VPS37C: variants seen among roughly 807,000 people sequenced by gnomAD.
VPS37C encodes VPS37C subunit of ESCRT-I.
Under a neutral mutation model 16.1 loss-of-function variants are expected in VPS37C, and 9 were observed. That is an observed-to-expected ratio of 0.56 (90% CI 0.34 to 0.97). The LOEUF (loss-of-function observed/expected upper bound fraction) is 0.97. Among genes scored for constraint, VPS37C ranks in the 50% least tolerant of loss-of-function variants. The pLI, the probability that VPS37C is intolerant of heterozygous loss-of-function variation, is 0.02. For missense variants in VPS37C, 479 were observed against 472.7 expected (o/e 1.01, Z -0.12); for synonymous variants, 207 against 206.4 (o/e 1.00, Z -0.02).
intron 1 of VPS37C, among the ~76,000 whole-genome samples, chr11:61,147,431 G>T (rs1853228601): frequency 6.6e-6 from 1 of 152,110 alleles, no homozygotes; most frequent in African/African-American, 2.4e-5. Flanking sequence ...TGAGCACAGG[G>T]TACACGATCT....
chr11:61,146,428 G>A (rs796252849), intron 1 of VPS37C, among the ~76,000 whole-genome samples: 10 of 152,368 alleles, frequency 6.6e-5, no homozygotes, highest in African/African-American at 2.2e-4. Flanking sequence ...ATACAGATGA[G>A]AGCAGCGTAA....
At chr11:61,136,657 C>G (rs935331068) in intron 2 of VPS37C, among the ~76,000 whole-genome samples, 12 of 152,130 alleles carry the variant, frequency 7.9e-5, no homozygotes, top group Non-Finnish European at 1.3e-4. Flanking sequence ...ACATGTTTTG[C>G]TGCTTCTGAA....
chr11:61,142,837 G>A lies in VPS37C; in HGVS notation c.-6-4002C>T, dbSNP rs373316883. 5.4e-5 allele frequency among the ~76,000 whole-genome samples: 8 copies of A among 148,182 alleles called. No homozygotes were observed. The East Asian group carries it at 1.6e-3, about 30-fold the overall frequency. ...GGGAGGGGGGGAGGGGTAGCATTGGGAGATATACCTAATGCTAGATGACGA... is the reference window on the plus strand; with the variant it reads ...GGGAGGGGGGGAGGGGTAGCATTGGAAGATATACCTAATGCTAGATGACGA... On this transcript the variant is annotated intron_variant, in intron 1 of 4. Coordinates refer to ENST00000301765, the MANE Select transcript of VPS37C (RefSeq NM_017966.5).
chr11:61,151,585 A>G (rs1853299218), intron 1 of VPS37C, among the ~76,000 whole-genome samples: 1 of 152,234 alleles, frequency 6.6e-6, no homozygotes, highest in South Asian at 2.1e-4. Context: ...TAGAAAGTCT[A>G]AAGTCTGGCT....
intron 1 of VPS37C, chr11:61,144,644 G>C (rs562433123): frequency 2.0e-5 from 3 of 152,564 alleles, no homozygotes; most frequent in African/African-American, 7.2e-5. Context: ...ACATCACAGA[G>C]GGAGGCAGCG....
intron 1 of VPS37C, among the ~76,000 whole-genome samples, chr11:61,156,299 A>AC (rs1487419105): frequency 6.6e-6 from 1 of 152,056 alleles, no homozygotes; most frequent in African/African-American, 2.4e-5. Context: ...TTAAAAAGCA[A>AC]CCCCCGGCCA....
At chr11:61,157,127 T>G (rs1174848688) in intron 1 of VPS37C, among the ~76,000 whole-genome samples, 1 of 152,286 alleles carries the variant, frequency 6.6e-6, no homozygotes, top group Non-Finnish European at 1.5e-5. Context: ...ATTTTGTTTA[T>G]CCATTCACCT....
intron 2 of VPS37C, among the ~76,000 whole-genome samples, chr11:61,136,133 ACC>A (rs1483864532): frequency 2.0e-5 from 3 of 150,742 alleles, no homozygotes; most frequent in Non-Finnish European, 3.0e-5. Context: ...GGTGATGGAG[ACC>A]CTAAATGCCC....
In VPS37C at chr11:61,131,753, CGGCGATGGCTG is replaced by C; in HGVS notation, c.*56_*66del. The stretch of plus-strand genomic sequence containing the variant: ...CCACTTCCAGTTGACCCTCGAATCT[CGGCGATGGCTG>C]GGCCAAAGGTTGAGCGTGGGTGGGA... On this transcript the variant is annotated 3_prime_UTR_variant, in exon 5 of 5. Transcript: ENST00000301765. The C allele has an allele frequency of 8.1e-7, 1 of 1,235,638 alleles. No homozygotes were observed. The highest frequency in any genetic ancestry group is 1.0e-6 in the Non-Finnish European group (1 of 989,262). The allele number at this position is 1,235,638 out of a possible 1,614,324, so 76.5% of individuals were successfully genotyped here.
At position 61,131,859 on chromosome 11, in the gene VPS37C, C is replaced by A; in HGVS notation, c.1029G>T (p.Gly343=). ...PYPPGPAPPY[G]FPPPPGPAWP... ...AGGCAGGCCCCGGCGGTGGTGGGAA[C>A]CCATAGGGAGGGGCGGGCCCGGGGG... Residue 343 remains glycine (G), a synonymous_variant, in exon 5 of 5, where the codon GGG becomes GGT. Coordinates refer to ENST00000301765, the MANE Select transcript of VPS37C (RefSeq NM_017966.5). 1 of 1,263,778 alleles carries A rather than the reference C, an allele frequency of 7.9e-7. No homozygotes were observed. The highest frequency in any genetic ancestry group is 1.0e-6 in the Non-Finnish European group (1 of 999,040). The allele number at this position is 1,263,778 out of a possible 1,614,324, so 78.3% of individuals were successfully genotyped here.
intron 1 of VPS37C, chr11:61,143,243 T>C (rs1590788955): frequency 1.3e-5 from 2 of 152,126 alleles, no homozygotes; most frequent in Admixed American, 6.5e-5. Flanking sequence ...CCCAAGGTCA[T>C]GCAGTTTGGA....
chr11:61,137,112 C>A (rs1469242701), intron 2 of VPS37C, among the ~76,000 whole-genome samples: 1 of 152,156 alleles, frequency 6.6e-6, no homozygotes, highest in Non-Finnish European at 1.5e-5. Flanking sequence ...GGCCCCCAAC[C>A]CAAAGCAGCT....
At chr11:61,136,609 G>T (rs111334190) in intron 2 of VPS37C, among the ~76,000 whole-genome samples, 5,325 of 73,716 alleles carry the variant, frequency 0.072, 317 homozygotes, top group African/African-American at 0.3. Context: ...TCACTGAAAA[G>T]AGGTAAGACT....
Position 61,146,019 on chromosome 11 carries a change from G to A in VPS37C, c.-6-7184C>T, listed in dbSNP as rs543207815. Among the ~76,000 whole-genome samples the A allele has an allele frequency of 2.0e-5, 3 of 152,332 alleles. No individual in the cohort carries two copies. The East Asian group carries it at 5.8e-4, about 29-fold the overall frequency. On this transcript the variant is annotated intron_variant, in intron 1 of 4. Coordinates refer to ENST00000301765, the MANE Select transcript of VPS37C (RefSeq NM_017966.5). Reference sequence around the variant, plus strand: ...TAAATCGACCCCTTGAAGACAAGGAGAATGTCTCACTCATCTTCGTCAACC... The same window carrying A: ...TAAATCGACCCCTTGAAGACAAGGAAAATGTCTCACTCATCTTCGTCAACC...
intron 1 of VPS37C, among the ~76,000 whole-genome samples, chr11:61,141,449 G>A (rs556515568): frequency 6.6e-6 from 1 of 151,788 alleles, no homozygotes; most frequent in South Asian, 2.1e-4. Flanking sequence ...CTGGGCTGGA[G>A]CAGAACCCTG....
Position 61,134,937 on chromosome 11 carries a change from G to A in VPS37C, c.94-730C>T, listed in dbSNP as rs554663727. 3.3e-5 allele frequency among the ~76,000 whole-genome samples: 5 copies of A among 152,366 alleles called. No individual in the cohort carries two copies. In the South Asian group the frequency reaches 1.0e-3, roughly 32 times the overall value. ...CCAAGGCACCCTTGCCAGCTGTTGT[G>A]ATGTGACGCCCCATGCATCCGCCAA... On this transcript the variant is annotated intron_variant, in intron 2 of 4. Transcript: ENST00000301765.
At position 61,159,720 on chromosome 11, in the gene VPS37C, AAAT is replaced by A. The variant is rs1853434725; in HGVS notation, c.-7+1668_-7+1670del. On this transcript the variant is annotated intron_variant, in intron 1 of 4. Coordinates refer to ENST00000301765, the MANE Select transcript of VPS37C (RefSeq NM_017966.5). ...CAGAGCGAGACTCCGTCTCAAAAAA[AAAT>A]AAATAAATAAATAAATAAAAAATAC... Among the ~76,000 whole-genome samples, 3 of 81,302 alleles carry A rather than the reference AAAT, an allele frequency of 3.7e-5. 1 individual carries two copies. Among genetic ancestry groups the A allele is most frequent in the Non-Finnish European group, 7.4e-5 (3 of 40,382 alleles). The allele number at this position is 81,302 out of a possible 152,430, so 53.3% of individuals were successfully genotyped here.
intron 1 of VPS37C, among the ~76,000 whole-genome samples, chr11:61,160,373 C>G (rs1853452746): frequency 6.6e-6 from 1 of 152,136 alleles, no homozygotes; most frequent in Non-Finnish European, 1.5e-5. Flanking sequence ...TCTTTCTTTC[C>G]CCAGTTCCTC....
chr11:61,136,431 C>T (rs1450555690), intron 2 of VPS37C, among the ~76,000 whole-genome samples: 1 of 152,154 alleles, frequency 6.6e-6, no homozygotes, highest in Non-Finnish European at 1.5e-5. Flanking sequence ...ACCTCGGCCT[C>T]CCAAAGTGCT....
Sources: allele counts gnomAD v4.1 joint callset (sites outside exome capture counted in the v4.1 genomes callset), GRCh38; gene constraint gnomAD v4.1.1; transcripts MANE v1.5; gene names NCBI Gene and HGNC (gene_info 2026-07-23, HGNC 2026-07-21).